PBX4: variants seen among roughly 807,000 people sequenced by gnomAD.
PBX4 encodes PBX homeobox 4.
PBX4 carries 26 observed loss-of-function variants against 35.1 expected under a neutral mutation model. That is an observed-to-expected ratio of 0.74 (90% CI 0.54 to 1.03). PBX4 has a LOEUF of 1.03. PBX4 is among the 50% of genes least tolerant of loss of function. PBX4 has a pLI of 0.00. For synonymous variants in PBX4, 199 were observed against 204.2 expected (o/e 0.97, Z 0.22); for missense variants, 448 against 504.3 (o/e 0.89, Z 1.07).
At chr19:19,577,665 C>T (rs991903209) in intron 2 of PBX4, among the ~76,000 whole-genome samples, 6 of 151,670 alleles carry the variant, frequency 4.0e-5, no homozygotes, top group Non-Finnish European at 8.8e-5. Context: ...TCGAGACCAT[C>T]CTGGCTGACA....
At chr19:19,595,405 C>A (rs76133364) in intron 2 of PBX4, among the ~76,000 whole-genome samples, 2,664 of 152,240 alleles carry the variant, frequency 0.017, 51 homozygotes, top group Non-Finnish European at 0.024. Context: ...CAGCTTACCA[C>A]ACGAATGCTG....
intron 2 of PBX4, among the ~76,000 whole-genome samples, chr19:19,572,905 TTTA>T (rs1260342574): frequency 3.6e-5 from 5 of 139,626 alleles, no homozygotes; most frequent in Non-Finnish European, 8.0e-5. Context: ...TTAGTGCTAG[TTTA>T]TTAAGCACAC....
Position 19,563,066 on chromosome 19 carries a change from A to G in PBX4, c.1032+443T>C, listed in dbSNP as rs2061318188. 6.6e-6 allele frequency among the ~76,000 whole-genome samples: 1 copy of G among 152,110 alleles called. No individual in the cohort carries two copies. The highest frequency in any genetic ancestry group is 1.5e-5 in the Non-Finnish European group (1 of 68,008). On this transcript the variant is annotated intron_variant, in intron 7 of 7. Coordinates refer to ENST00000251203, the MANE Select transcript of PBX4 (RefSeq NM_025245.3). This position sits in a 1 kb window ranked among gnomAD's most constrained non-coding sequence, Gnocchi z 5.1. ...GGGCACATGACACCTGGGCCTCCTC[A>G]GTGTCTTCAAGACGGTCCCCACTCG...
Position 19,599,323 on chromosome 19 carries a change from G to T in PBX4, c.162C>A (p.Phe54Leu). The T allele has an allele frequency of 6.2e-7, 1 of 1,613,456 alleles. No homozygotes were observed. The highest frequency in any genetic ancestry group is 8.5e-7 in the Non-Finnish European group (1 of 1,179,626). Residue 54 changes from phenylalanine to leucine, a missense_variant, in exon 2 of 8, where the codon TTC becomes TTA. Physicochemically the swap from Phe to Leu is conservative, Grantham distance 22. Coordinates refer to ENST00000251203, the MANE Select transcript of PBX4 (RefSeq NM_025245.3). Reference sequence around the variant, plus strand: ...TTTCCTTGATCTCACAGAGCACGCTGAACAGAGCAGGCTTCATCCGATGGC... The same window carrying T: ...TTTCCTTGATCTCACAGAGCACGCTTAACAGAGCAGGCTTCATCCGATGGC... ...LNCHRMKPAL[F>L]SVLCEIKEKT...
chr19:19,583,030 G>A (rs770687158), intron 2 of PBX4, among the ~76,000 whole-genome samples: 10 of 152,276 alleles, frequency 6.6e-5, no homozygotes, highest in Non-Finnish European at 1.3e-4. Flanking sequence ...GCAAGAGAGC[G>A]GAGGTGGCCA....
intron 2 of PBX4, among the ~76,000 whole-genome samples, chr19:19,572,094 A>ATTTTT (rs2061388062): frequency 5.6e-5 from 1 of 17,978 alleles, no homozygotes; most frequent in Non-Finnish European, 9.2e-5. Context: ...TTTTTTTTTG[A>ATTTTT]GATGGAATCT....
At chr19:19,609,025 CT>C (rs1223522462) in intron 1 of PBX4, among the ~76,000 whole-genome samples, 1 of 152,162 alleles carries the variant, frequency 6.6e-6, no homozygotes, top group Non-Finnish European at 1.5e-5. Flanking sequence ...CGAGAATGTA[CT>C]TTTAAAAGTG....
intron 2 of PBX4, among the ~76,000 whole-genome samples, chr19:19,594,747 G>T (rs1599368637): frequency 6.6e-6 from 1 of 151,716 alleles, no homozygotes; most frequent in South Asian, 2.1e-4. Context: ...TTTTAGACAG[G>T]GTCTCACTCT....
At chr19:19,567,734 C>CCACAGAGGA (rs1469828971) in intron 5 of PBX4, among the ~76,000 whole-genome samples, 33 of 152,266 alleles carry the variant, frequency 2.2e-4, no homozygotes, top group East Asian at 3.9e-4. Context: ...ACCCCCAGTT[C>CCACAGAGGA]CACAGAGGAC....
In PBX4 at chr19:19,562,904, A is replaced by G. The variant is rs1302734720; in HGVS notation, c.1032+605T>C. Among the ~76,000 whole-genome samples the G allele has an allele frequency of 6.6e-6, 1 of 152,174 alleles. No individual in the cohort carries two copies. Among genetic ancestry groups the G allele is most frequent in the Non-Finnish European group, 1.5e-5 (1 of 68,008 alleles). ...GGACAGTGTGGGACGTGTGCTTCCC[A>G]GGACCAGGTGGGACCCCACAGACAG... On this transcript the variant is annotated intron_variant, in intron 7 of 7. Coordinates refer to ENST00000251203, the MANE Select transcript of PBX4 (RefSeq NM_025245.3). This position sits in a 1 kb window ranked among gnomAD's most constrained non-coding sequence, Gnocchi z 4.8.
At chr19:19,570,904 G>A in intron 2 of PBX4, 71 bp from the exon 3 acceptor site, 1 of 1,573,698 alleles carries the variant, frequency 6.4e-7, no homozygotes, top group Non-Finnish European at 8.6e-7. Flanking sequence ...GAAAATGTGA[G>A]CACTGGTGTT....
intron 2 of PBX4, among the ~76,000 whole-genome samples, chr19:19,571,279 C>T (rs2061381253): frequency 1.3e-5 from 2 of 151,990 alleles, no homozygotes; most frequent in Non-Finnish European, 2.9e-5. Flanking sequence ...CAGGACTGTG[C>T]AGCTGTAGGC....
chr19:19,610,879 C>T (rs1190697388), intron 1 of PBX4, among the ~76,000 whole-genome samples: 1 of 152,092 alleles, frequency 6.6e-6, no homozygotes, highest in Non-Finnish European at 1.5e-5. Flanking sequence ...CTACAAGGCA[C>T]GAAGTCAACT....
intron 4 of PBX4, 139 bp from the exon 5 acceptor site, chr19:19,569,723 A>T: frequency 8.5e-7 from 1 of 1,171,682 alleles, no homozygotes; most frequent in African/African-American, 1.6e-5. Context: ...CAGCGTGGTC[A>T]ACATAGTGAA....
At position 19,569,594 on chromosome 19, in the gene PBX4, CA is replaced by C. The variant is rs2061367753; in HGVS notation, c.633-11del. The C allele has an allele frequency of 1.2e-6, 2 of 1,612,928 alleles. No homozygotes were observed. Among genetic ancestry groups the C allele is most frequent in the Non-Finnish European group, 1.7e-6 (2 of 1,179,466 alleles). ...ATTCCGCCGCTTGCGCCTGCAAAAA[CA>C]GCCGCCTTCGTAGGCATTAATATGC... is the stretch of plus-strand genomic sequence containing the variant. On this transcript the variant is annotated splice_polypyrimidine_tract_variant and intron_variant, in intron 4 of 7. Transcript: ENST00000251203.
At chr19:19,580,234 GAA>G (rs1283791322) in intron 2 of PBX4, among the ~76,000 whole-genome samples, 1 of 102,376 alleles carries the variant, frequency 9.8e-6, no homozygotes, top group East Asian at 3.7e-4. Flanking sequence ...GAATCGACAT[GAA>G]GGAGAAAACA....
chr19:19,591,524 A>G (rs995988577), intron 2 of PBX4, among the ~76,000 whole-genome samples: 1 of 152,260 alleles, frequency 6.6e-6, no homozygotes, highest in Admixed American at 6.5e-5. Flanking sequence ...CTGCAGCACA[A>G]CAGCCCTGGC....
intron 1 of PBX4, among the ~76,000 whole-genome samples, chr19:19,600,287 G>A (rs2061589293): frequency 6.6e-6 from 1 of 152,112 alleles, no homozygotes; most frequent in Non-Finnish European, 1.5e-5. Context: ...AACGCTTTGG[G>A]AGGCCAAGGC....
intron 2 of PBX4, among the ~76,000 whole-genome samples, chr19:19,598,906 G>T (rs187253051): frequency 6.8e-6 from 1 of 147,312 alleles, no homozygotes; most frequent in African/African-American, 2.5e-5. Flanking sequence ...TCACACACAG[G>T]AAGTGCCTTT....
Sources: allele counts gnomAD v4.1 joint callset (sites outside exome capture counted in the v4.1 genomes callset), GRCh38; gene constraint gnomAD v4.1.1; non-coding constraint Gnocchi (gnomAD v3.1); transcripts MANE v1.5; gene names NCBI Gene and HGNC (gene_info 2026-07-23, HGNC 2026-07-21).